The following HYDIN variants were observed in gnomAD, a reference collection of about 807,000 sequenced individuals.
The protein encoded by HYDIN is axonemal central pair apparatus protein HYDIN.
In HYDIN, 132 loss-of-function variants were observed where a neutral mutation model predicts 403.9. The ratio of observed to expected loss-of-function variants is 0.33; its 90% CI spans 0.28 to 0.38. The LOEUF (loss-of-function observed/expected upper bound fraction) is 0.38, where lower values mean the gene tolerates loss of function less well. Among genes scored for constraint, HYDIN ranks in the 10% least tolerant of loss-of-function variants. The pLI, the probability that HYDIN is intolerant of heterozygous loss-of-function variation, is 1.00. For synonymous variants in HYDIN, 1,202 were observed against 1,891.7 expected (o/e 0.64, Z 9.46); for missense variants, 2,827 against 5,009.5 (o/e 0.56, Z 13.15).
chr16:71,135,375 G>A (rs963897124), intron 8 of HYDIN, among the ~76,000 whole-genome samples: 6 of 148,316 alleles, frequency 4.0e-5, no homozygotes, highest in Middle Eastern at 3.4e-3. Context: ...TAGCATCTCT[G>A]ATAACCATTG....
chr16:70,965,727 G>A (rs532783605), intron 36 of HYDIN, among the ~76,000 whole-genome samples: 6 of 152,120 alleles, frequency 3.9e-5, no homozygotes, highest in Admixed American at 3.3e-4. Flanking sequence ...TAAGCTCCAT[G>A]TAAATATTTG....
intron 66 of HYDIN, among the ~76,000 whole-genome samples, chr16:70,866,698 A>G (rs897778798): frequency 6.7e-6 from 1 of 149,464 alleles, no homozygotes; most frequent in Non-Finnish European, 1.5e-5. Flanking sequence ...GAAGGGATTA[A>G]TAAACTTGAT....
intron 22 of HYDIN, among the ~76,000 whole-genome samples, chr16:71,019,732 A>G (rs2080408482): frequency 6.6e-6 from 1 of 152,240 alleles, no homozygotes; most frequent in Non-Finnish European, 1.5e-5. Context: ...TTCACAATAC[A>G]TTATTTCTCA....
intron 4 of HYDIN, among the ~76,000 whole-genome samples, 181 bp downstream of exon 4, chr16:71,178,747 T>C (rs570011041): frequency 2.6e-5 from 4 of 152,154 alleles, no homozygotes; most frequent in Admixed American, 6.5e-5. Context: ...ACTCAACATA[T>C]AGCAACAAAC....
chr16:70,833,952 G>A lies in HYDIN; in HGVS notation c.13614C>T (p.Pro4538=), dbSNP rs202133666. The change falls in exon 79 of 86, where the codon CCC becomes CCT. Residue 4538 remains proline (P), a synonymous_variant. Transcript: ENST00000393567. ...GTGTGGCTTGCGTCTGATACACCAC[G>A]GGTCCAAAGGGAATATGTTCCTGGT... ...SLDQEHIPFG[P]VVYQTQATRR... 2.5e-6 allele frequency: 4 copies of A among 1,613,270 alleles called. No individual in the cohort carries two copies. Among genetic ancestry groups the A allele is most frequent in the African/African-American group, 1.3e-5 (1 of 74,998 alleles).
At chr16:70,931,824 G>A (rs1176313203) in intron 45 of HYDIN, among the ~76,000 whole-genome samples, 2 of 146,870 alleles carry the variant, frequency 1.4e-5, no homozygotes, top group African/African-American at 2.5e-5. Flanking sequence ...AGACCAGCCT[G>A]GCCAATATGG....
chr16:70,811,044 C>A (rs2035464799), intron 84 of HYDIN, among the ~76,000 whole-genome samples: 1 of 152,108 alleles, frequency 6.6e-6, no homozygotes, highest in Non-Finnish European at 1.5e-5. Flanking sequence ...AAATGGGATT[C>A]TGGAGACTTA....
chr16:71,082,723 C>A (rs2082820362), intron 12 of HYDIN, among the ~76,000 whole-genome samples: 1 of 115,744 alleles, frequency 8.6e-6, no homozygotes. Flanking sequence ...TTGCAAGTGA[C>A]ATGCACGACT....
At chr16:71,201,174 T>C (rs1188260537) in intron 1 of HYDIN, among the ~76,000 whole-genome samples, 2 of 152,228 alleles carry the variant, frequency 1.3e-5, no homozygotes, top group Non-Finnish European at 2.9e-5. Flanking sequence ...GTAACTAAAT[T>C]TTTATGTCTT....
chr16:70,828,898 G>A (rs1323939166), intron 81 of HYDIN, among the ~76,000 whole-genome samples: 2 of 143,858 alleles, frequency 1.4e-5, no homozygotes, highest in African/African-American at 5.2e-5. Flanking sequence ...AGTTATGGCT[G>A]TATCTGAATA....
At chr16:70,991,894 T>C (rs147009644) in intron 24 of HYDIN, among the ~76,000 whole-genome samples, 176 bp downstream of exon 24, 7,992 of 152,160 alleles carry the variant, frequency 0.053, 709 homozygotes, top group African/African-American at 0.18. Flanking sequence ...GGACTCATGA[T>C]GGTACCCTCT....
rs182481449 is a variant in HYDIN at position 70,885,750 on chromosome 16, A to T, written c.9775-1626T>A. On this transcript the variant is annotated intron_variant, in intron 58 of 85. Coordinates refer to ENST00000393567, the MANE Select transcript of HYDIN (RefSeq NM_001270974.2). Reference sequence around the variant, plus strand: ...TGGTAGGCAAAGAAGGAAAAAAAAAATCTGTAGAAGAGATGAGAGTTATAG... The same window carrying T: ...TGGTAGGCAAAGAAGGAAAAAAAAATTCTGTAGAAGAGATGAGAGTTATAG... Among the ~76,000 whole-genome samples the T allele has an allele frequency of 9.7e-3, 1,475 of 152,138 alleles. 16 individuals carry two copies. Among genetic ancestry groups the T allele is most frequent in the Middle Eastern group, 0.082 (24 of 294 alleles).
At chr16:71,183,968 G>C (rs149676061) in intron 3 of HYDIN, among the ~76,000 whole-genome samples, 295 of 152,144 alleles carry the variant, frequency 1.9e-3, no homozygotes, top group Non-Finnish European at 3.5e-3. Context: ...AAGAGGAAAT[G>C]GTCCTTAATT....
rs1295289128 is a variant in HYDIN at position 70,804,383 on chromosome 16, G to A, written c.*3197C>T. 6.6e-6 allele frequency among the ~76,000 whole-genome samples: 1 copy of A among 152,224 alleles called. No individual in the cohort carries two copies. The highest frequency in any genetic ancestry group is 2.1e-4 in the South Asian group (1 of 4,836). On this transcript the variant is annotated 3_prime_UTR_variant, in exon 86 of 86. Coordinates refer to ENST00000393567, the MANE Select transcript of HYDIN (RefSeq NM_001270974.2). ...TGATGATCAAAGGTCACTGAGTGAT[G>A]AGATGGGAGGAGACCCTCAAATCCA... is the stretch of plus-strand genomic sequence containing the variant.
intron 1 of HYDIN, among the ~76,000 whole-genome samples, chr16:71,227,553 T>G (rs1046322691): frequency 6.6e-6 from 1 of 152,070 alleles, no homozygotes; most frequent in Non-Finnish European, 1.5e-5. Context: ...ATGAGTGAAC[T>G]CCCATTCACA....
intron 13 of HYDIN, among the ~76,000 whole-genome samples, chr16:71,073,055 T>TA (rs941965991): frequency 3.9e-5 from 6 of 152,204 alleles, no homozygotes; most frequent in South Asian, 2.1e-4. Flanking sequence ...AGAGGTTTTC[T>TA]AAAAAAACAG....
chr16:70,862,066 T>C lies in HYDIN; in HGVS notation c.11759A>G (p.Glu3920Gly). Reference sequence around the variant, plus strand: ...TTCTTACTGGCAGAAAAGGTTGCTCTCGAAGTCTCCAATGTCCAACGGGGA... The same window carrying C: ...TTCTTACTGGCAGAAAAGGTTGCTCCCGAAGTCTCCAATGTCCAACGGGGA... ...KFSPLDIGDF[E>G]SNLFCQIPNL... The change falls in exon 69 of 86, where the codon GAG (glutamate) becomes GGG (glycine). Residue 3920 changes from glutamate (E) to glycine (G), a missense_variant. Coordinates refer to ENST00000393567, the MANE Select transcript of HYDIN (RefSeq NM_001270974.2). The C allele has an allele frequency of 6.3e-7, 1 of 1,594,422 alleles. No homozygotes were observed.
chr16:70,905,988 A>G (rs1011651108), intron 50 of HYDIN, among the ~76,000 whole-genome samples: 1 of 152,088 alleles, frequency 6.6e-6, no homozygotes, highest in Non-Finnish European at 1.5e-5. Flanking sequence ...TAATAAGGGA[A>G]TGGAGGACAA....
chr16:71,002,189 T>C (rs1306775501), intron 23 of HYDIN, among the ~76,000 whole-genome samples: 1 of 152,216 alleles, frequency 6.6e-6, no homozygotes. Context: ...CAGAAAGTTC[T>C]CAAATTCAAC....
Sources: allele counts gnomAD v4.1 joint callset (sites outside exome capture counted in the v4.1 genomes callset), GRCh38; gene constraint gnomAD v4.1.1; transcripts MANE v1.5; gene names NCBI Gene and HGNC (gene_info 2026-07-23, HGNC 2026-07-21).